Variants in MRPL45 observed in about 807,000 individuals in gnomAD.
MRPL45 encodes mitochondrial ribosomal protein L45.
MRPL45 carries 20 observed loss-of-function variants against 38.1 expected under a neutral mutation model. The ratio of observed to expected loss-of-function variants is 0.53; its 90% CI spans 0.37 to 0.76. MRPL45 has a LOEUF of 0.76. MRPL45 is among the 30% of genes least tolerant of loss of function. MRPL45 has a pLI of 0.00. For missense variants in MRPL45, 337 were observed against 395.6 expected, an observed-to-expected ratio of 0.85 and a Z score of 1.26; for synonymous variants, 105 against 128.8, an observed-to-expected ratio of 0.82 and a Z score of 1.25.
intron 4 of MRPL45, among the ~76,000 whole-genome samples, chr17:38,313,297 TAA>T (rs879236168): frequency 0.026 from 479 of 18,504 alleles, 16 homozygotes; most frequent in African/African-American, 0.038. Context: ...TCCTTTCTAT[TAA>T]AAAAAAAAAA....
In MRPL45 at chr17:38,299,417, G is replaced by T. The variant is rs1247558692; in HGVS notation, c.311G>T (p.Gly104Val). ...DARISSLSKE[G>V]LIERTERMKK... ...CGCATATCATCTCTTTCAAAGGAGG[G>T]ACTGATAGAGAGAACTGAACGAATG... The change falls in exon 3 of 8, where the codon GGA becomes GTA. Residue 104 changes from glycine to valine, a missense_variant. By Grantham distance (109) the Gly-to-Val change is moderately radical. Coordinates refer to ENST00000613675, the MANE Select transcript of MRPL45 (RefSeq NM_032351.6). The T allele has an allele frequency of 6.2e-7, 1 of 1,612,742 alleles. No individual in the cohort carries two copies. The highest frequency in any genetic ancestry group is 1.3e-5 in the African/African-American group (1 of 74,852).
intron 4 of MRPL45, among the ~76,000 whole-genome samples, chr17:38,313,929 G>C (rs1250228992): frequency 6.6e-6 from 1 of 151,594 alleles, no homozygotes; most frequent in Non-Finnish European, 1.5e-5. Flanking sequence ...TTCCAAAGTG[G>C]TGGGATTACA....
intron 4 of MRPL45, among the ~76,000 whole-genome samples, chr17:38,313,028 A>C (rs2037128193): frequency 8.2e-6 from 1 of 121,924 alleles, no homozygotes; most frequent in Non-Finnish European, 1.6e-5. Flanking sequence ...TCTGTTGCTC[A>C]GGCTGGAGTG....
intron 3 of MRPL45, among the ~76,000 whole-genome samples, chr17:38,299,955 G>T (rs2036975867): frequency 1.3e-5 from 2 of 151,776 alleles, no homozygotes; most frequent in African/African-American, 4.8e-5. Context: ...TGTTGGTCAG[G>T]CTGGTCTTGA....
In MRPL45 at chr17:38,305,791, C is replaced by T. The variant is rs1031188250; in HGVS notation, c.363-742C>T. Among the ~76,000 whole-genome samples, 35 of 151,978 alleles carry T rather than the reference C, an allele frequency of 2.3e-4. No homozygotes were observed. The East Asian group carries it at 6.1e-3, about 27-fold the overall frequency. On this transcript the variant is annotated intron_variant, in intron 3 of 7. Transcript: ENST00000613675. ...CGGAGTAGCTGGGATTACTGGTGTG[C>T]ACCACCATGCCCAGCTTATTTTTGG...
At chr17:38,303,420 C>T (rs900112184) in intron 3 of MRPL45, among the ~76,000 whole-genome samples, 2 of 149,954 alleles carry the variant, frequency 1.3e-5, no homozygotes, top group Non-Finnish European at 3.0e-5. Context: ...GTGTTAGCCT[C>T]CCCAGTAGGT....
intron 4 of MRPL45, 120 bp downstream of exon 4, chr17:38,306,751 A>G (rs1167091203): frequency 9.3e-7 from 1 of 1,071,246 alleles, no homozygotes; most frequent in Non-Finnish European, 1.3e-6. Context: ...TTCAGGTAAG[A>G]GATCTAGAGT....
Position 38,318,573 on chromosome 17 carries a change from G to T in MRPL45, c.462-114G>T, listed in dbSNP as rs2037197369. 5 of 756,690 alleles carry T rather than the reference G, an allele frequency of 6.6e-6. No homozygotes were observed. In the Admixed American group the frequency reaches 9.3e-5, roughly 14 times the overall value. The allele number at this position is 756,690 out of a possible 1,614,324, so 46.9% of individuals were successfully genotyped here. A position where few individuals can be genotyped will look rare whatever the true frequency, so the allele number is the denominator to read the frequency against. On this transcript the variant is annotated intron_variant, in intron 4 of 7. Transcript: ENST00000613675. ...ATTTTATACCTGGCTTATACTAGAT[G>T]TGCCGAAAACATTTGTAAAAATGAA...
chr17:38,298,644 C>CGCCTGTACAGGTGAGGTATTT lies in MRPL45; in HGVS notation c.244+18_244+19insGCCTGTACAGGTGAGGTATTT. 6.4e-7 allele frequency: 1 copy of CGCCTGTACAGGTGAGGTATTT among 1,563,240 alleles called. No individual in the cohort carries two copies. The highest frequency in any genetic ancestry group is 8.8e-7 in the Non-Finnish European group (1 of 1,140,068). The stretch of plus-strand genomic sequence containing the variant: ...CTGTACAGGTGAGGTATTTCTGGGA[C>CGCCTGTACAGGTGAGGTATTT]CCTGACCTGGGATCCTTCTGTCAGA... On this transcript the variant is annotated intron_variant, in intron 2 of 7. Coordinates refer to ENST00000613675, the MANE Select transcript of MRPL45 (RefSeq NM_032351.6).
intron 3 of MRPL45, among the ~76,000 whole-genome samples, chr17:38,304,678 G>A (rs1393644045): frequency 6.6e-6 from 1 of 152,110 alleles, no homozygotes; most frequent in Admixed American, 6.6e-5. Flanking sequence ...TGAGTAGCTG[G>A]GACTACGGGC....
chr17:38,320,242 G>GA (rs574468705), intron 5 of MRPL45, among the ~76,000 whole-genome samples: 1 of 151,934 alleles, frequency 6.6e-6, no homozygotes, highest in Non-Finnish European at 1.5e-5. Context: ...TGTGAGTGGG[G>GA]AAAAAAAATA....
intron 3 of MRPL45, among the ~76,000 whole-genome samples, chr17:38,303,778 G>A (rs139960364): frequency 0.016 from 2,490 of 151,612 alleles, 64 homozygotes; most frequent in African/African-American, 0.056. Flanking sequence ...CCAGGCTGGA[G>A]TGCAGTGGTG....
rs1241385332 is a variant in MRPL45, at chr17:38,307,333, G to GC, written c.461+707dup. The stretch of plus-strand genomic sequence containing the variant: ...TTACAGGCATGAGCCACCACGCCCG[G>GC]CCCCCTTTTTTTTTTTGAGATGGAG... On this transcript the variant is annotated intron_variant, in intron 4 of 7. Transcript: ENST00000613675. Among the ~76,000 whole-genome samples, 280 of 150,744 alleles carry GC rather than the reference G, an allele frequency of 1.9e-3. 1 individual carries two copies. Among genetic ancestry groups the GC allele is most frequent in the African/African-American group, 6.3e-3 (258 of 41,046 alleles).
intron 3 of MRPL45, among the ~76,000 whole-genome samples, chr17:38,299,958 G>A (rs2036975895): frequency 6.6e-6 from 1 of 151,760 alleles, no homozygotes; most frequent in Admixed American, 6.6e-5. Flanking sequence ...TGGTCAGGCT[G>A]GTCTTGAACT....
chr17:38,306,267 C>G (rs139296691), intron 3 of MRPL45, among the ~76,000 whole-genome samples: 1 of 151,794 alleles, frequency 6.6e-6, no homozygotes, highest in African/African-American at 2.4e-5. Flanking sequence ...AATTTAGCCG[C>G]GTGTGGTCGC....
intron 4 of MRPL45, among the ~76,000 whole-genome samples, chr17:38,311,684 CAAAAAAAAAAAA>C (rs756151374): frequency 1.6e-4 from 15 of 92,306 alleles, no homozygotes; most frequent in African/African-American, 3.8e-5. Flanking sequence ...GACTCCGTCT[CAAAAAAAAAAAA>C]AAAAAAAAGA....
At chr17:38,304,316 A>C (rs2037029206) in intron 3 of MRPL45, among the ~76,000 whole-genome samples, 1 of 152,110 alleles carries the variant, frequency 6.6e-6, no homozygotes, top group Non-Finnish European at 1.5e-5. Flanking sequence ...AAAACTAAAA[A>C]AAAGTGAAAA....
chr17:38,306,407 A>G (rs969262317), intron 3 of MRPL45, 126 bp from the exon 4 acceptor site: 2 of 1,120,956 alleles, frequency 1.8e-6, no homozygotes, highest in African/African-American at 4.1e-5. Flanking sequence ...AGACTCAAAA[A>G]AAGAAAAAAA....
At chr17:38,299,595 C>T (rs537471979) in intron 3 of MRPL45, 127 bp downstream of exon 3, 3 of 625,930 alleles carry the variant, frequency 4.8e-6, no homozygotes, top group South Asian at 4.4e-5. Context: ...ATGGTATTTT[C>T]TCCTTTGTAC....
Sources: gnomAD v4.1 joint callset for allele counts (sites outside exome capture counted in the v4.1 genomes callset) on GRCh38, gnomAD v4.1.1 for gene constraint, MANE v1.5 for transcripts, NCBI Gene and HGNC (gene_info 2026-07-23, HGNC 2026-07-21) for gene names.